Variants in CD1B observed in about 807,000 individuals in gnomAD.
CD1B encodes the protein T-cell surface glycoprotein CD1b.
A neutral mutation model predicts 39.8 loss-of-function variants in CD1B; 43 were observed. That is an observed-to-expected ratio of 1.08 (90% CI 0.85 to 1.39). The LOEUF (loss-of-function observed/expected upper bound fraction) is 1.39. CD1B is among the 40% of genes most tolerant of loss of function. The pLI is 0.00. For synonymous variants in CD1B, 192 were observed against 152.5 expected (o/e 1.26, Z -1.91); for missense variants, 495 against 403.8 (o/e 1.23, Z -1.94).
At chr1:158,309,915 G>T in the CD1B span, among the ~76,000 whole-genome samples, 1 of 151,682 alleles carries the variant, frequency 6.6e-6, no homozygotes, top group African/African-American at 2.4e-5. Context: ...ACAACAACAT[G>T]GCACATGTAT....
intron 2 of CD1B, 84 bp downstream of exon 2, chr1:158,330,712 A>G: frequency 7.6e-7 from 1 of 1,317,350 alleles, no homozygotes; most frequent in South Asian, 1.2e-5. Flanking sequence ...AGGAAGGGAG[A>G]AGCATCAGAG....
chr1:158,290,394 G>A, the CD1B span, among the ~76,000 whole-genome samples: 1 of 152,134 alleles, frequency 6.6e-6, no homozygotes, highest in African/African-American at 2.4e-5. Flanking sequence ...CAGGGCCCAG[G>A]AAAATGATGT....
chr1:158,313,952 T>A, the CD1B span, among the ~76,000 whole-genome samples: 68 of 152,298 alleles, frequency 4.5e-4, no homozygotes, highest in African/African-American at 1.5e-3. Flanking sequence ...TGTTTTCATA[T>A]AGTTGTTCAT....
chr1:158,300,864 T>C, the CD1B span, among the ~76,000 whole-genome samples: 17 of 150,394 alleles, frequency 1.1e-4, no homozygotes, highest in South Asian at 3.0e-3. Context: ...GTTCATACCA[T>C]TCTCCTGCTT....
chr1:158,301,254 T>C, the CD1B span, among the ~76,000 whole-genome samples: 2 of 152,150 alleles, frequency 1.3e-5, no homozygotes, highest in Non-Finnish European at 2.9e-5. Flanking sequence ...AATTTGTCAG[T>C]CTGTGTCTTT....
intron 1 of CD1B, 101 bp downstream of exon 1, chr1:158,331,262 A>G: frequency 8.2e-7 from 1 of 1,214,206 alleles, no homozygotes; most frequent in Non-Finnish European, 1.2e-6. Flanking sequence ...AGACAGAAAG[A>G]CCCAGACCCT....
the CD1B span, chr1:158,291,189 A>G: frequency 6.8e-6 from 11 of 1,613,564 alleles, no homozygotes; most frequent in Non-Finnish European, 9.3e-6. Flanking sequence ...TTGTCAACCA[A>G]TCCTGGGCAC....
chr1:158,305,175 G>A, the CD1B span, among the ~76,000 whole-genome samples: 1 of 152,102 alleles, frequency 6.6e-6, no homozygotes, highest in East Asian at 1.9e-4. Flanking sequence ...TCGCAAAGAA[G>A]TTAAAAATCT....
chr1:158,299,577 G>T, the CD1B span, among the ~76,000 whole-genome samples: 109 of 152,304 alleles, frequency 7.2e-4, no homozygotes, highest in African/African-American at 2.2e-3. Context: ...GCTCCTCTTT[G>T]TACCTTTAGT....
the CD1B span, chr1:158,293,558 G>A: frequency 2.8e-5 from 45 of 1,613,794 alleles, no homozygotes; most frequent in Middle Eastern, 3.3e-4. Flanking sequence ...CCATCCCGTC[G>A]ACTCTCCATT....
At chr1:158,296,171 A>ACC in the CD1B span, among the ~76,000 whole-genome samples, 43 of 149,738 alleles carry the variant, frequency 2.9e-4, no homozygotes, top group African/African-American at 1.0e-3. Context: ...CTTTTCTGGG[A>ACC]CCCCCCCACC....
At chr1:158,287,436 T>C in the CD1B span, among the ~76,000 whole-genome samples, 1 of 152,162 alleles carries the variant, frequency 6.6e-6, no homozygotes, top group Admixed American at 6.5e-5. Flanking sequence ...TTGACATTAC[T>C]TCTTAGAGGC....
chr1:158,323,310 GT>G (rs1241518947), downstream of CD1B, among the ~76,000 whole-genome samples: 2 of 149,788 alleles, frequency 1.3e-5, no homozygotes, highest in African/African-American at 4.9e-5. Context: ...TTCATTAATT[GT>G]ATCTTTTAGC....
the CD1B span, among the ~76,000 whole-genome samples, chr1:158,307,186 A>C: frequency 6.6e-6 from 1 of 152,198 alleles, no homozygotes; most frequent in African/African-American, 2.4e-5. Flanking sequence ...ACTGCTAGCA[A>C]GACTAATACA....
chr1:158,305,493 T>C, the CD1B span, among the ~76,000 whole-genome samples: 1 of 152,220 alleles, frequency 6.6e-6, no homozygotes, highest in African/African-American at 2.4e-5. Flanking sequence ...TGGAACCAAG[T>C]TGGAAAACAC....
At chr1:158,320,135 G>A in the CD1B span, among the ~76,000 whole-genome samples, 7 of 152,238 alleles carry the variant, frequency 4.6e-5, no homozygotes, top group African/African-American at 1.4e-4. Flanking sequence ...TGCCCCCAGA[G>A]GTGGAGCCTA....
the CD1B span, among the ~76,000 whole-genome samples, chr1:158,295,135 G>C: frequency 1.3e-5 from 2 of 152,128 alleles, no homozygotes; most frequent in Non-Finnish European, 2.9e-5. Context: ...ATTTTTGGGA[G>C]AAGAGACAAG....
the CD1B span, among the ~76,000 whole-genome samples, chr1:158,309,224 T>A: frequency 2.0e-5 from 3 of 152,106 alleles, no homozygotes; most frequent in African/African-American, 7.2e-5. Flanking sequence ...AAAGGACACA[T>A]GAAAAAACGG....
chr1:158,329,280 T>C (rs2101713230), intron 4 of CD1B, 90 bp downstream of exon 4: 5 of 1,452,848 alleles, frequency 3.4e-6, no homozygotes, highest in East Asian at 4.6e-5. Flanking sequence ...CCCTCTTTCA[T>C]CTCTCAAGCT....
Sources: gnomAD v4.1 joint callset for allele counts (sites outside exome capture counted in the v4.1 genomes callset) on GRCh38, gnomAD v4.1.1 for gene constraint, MANE v1.5 for transcripts, NCBI Gene and HGNC (gene_info 2026-07-23, HGNC 2026-07-21) for gene names.